ANKRD17: variants seen among roughly 807,000 people sequenced by gnomAD.
ANKRD17 encodes the protein ankyrin repeat domain 17.
A neutral mutation model predicts 229.7 loss-of-function variants in ANKRD17; 19 were observed. The observed-to-expected ratio is 0.08, with a 90% confidence interval of 0.06 to 0.12. The LOEUF is 0.12. Ranked by LOEUF, ANKRD17 falls within the 10% of genes least tolerant of loss-of-function variation. ANKRD17 has a pLI of 1.00. For synonymous variants in ANKRD17, 1,112 were observed against 1,146.1 expected (o/e 0.97, Z 0.60); for missense variants, 2,176 against 3,176.8 (o/e 0.68, Z 7.57).
intron 24 of ANKRD17, among the ~76,000 whole-genome samples, chr4:73,104,370 C>T (rs969845597): frequency 3.3e-5 from 5 of 152,112 alleles, no homozygotes; most frequent in Non-Finnish European, 7.3e-5. Flanking sequence ...GTTTTCTCCA[C>T]GTGGACCCCA....
intron 1 of ANKRD17, chr4:73,222,967 G>GC (rs1742058048): frequency 2.6e-6 from 4 of 1,530,164 alleles, no homozygotes; most frequent in Non-Finnish European, 3.5e-6. Flanking sequence ...TACAAACCTA[G>GC]CCCTACCTCA....
intron 1 of ANKRD17, among the ~76,000 whole-genome samples, chr4:73,185,823 T>G (rs1736221541): frequency 6.6e-6 from 1 of 152,048 alleles, no homozygotes; most frequent in Non-Finnish European, 1.5e-5. Flanking sequence ...AACAACAGTC[T>G]TAATTTTGGT....
At chr4:73,252,955 A>C (rs951156450) in intron 1 of ANKRD17, among the ~76,000 whole-genome samples, 1 of 152,214 alleles carries the variant, frequency 6.6e-6, no homozygotes, top group Non-Finnish European at 1.5e-5. Context: ...ACTGCAAAAA[A>C]GCGTCTCCCC....
intron 1 of ANKRD17, among the ~76,000 whole-genome samples, chr4:73,207,955 G>A (rs1226610451): frequency 6.6e-6 from 1 of 152,038 alleles, no homozygotes; most frequent in East Asian, 1.9e-4. Context: ...TTGGGAGGCC[G>A]AGGCAGGTGG....
chr4:73,121,143 A>G, intron 19 of ANKRD17, 49 bp from the exon 20 acceptor site: 1 of 1,463,914 alleles, frequency 6.8e-7, no homozygotes, highest in Non-Finnish European at 9.6e-7. Context: ...TATATTTTAA[A>G]TGACAGAAAA....
intron 1 of ANKRD17, among the ~76,000 whole-genome samples, chr4:73,203,960 A>T (rs1198185948): frequency 1.3e-5 from 2 of 152,154 alleles, no homozygotes; most frequent in Non-Finnish European, 2.9e-5. Context: ...TGGGGGGGAA[A>T]AAACCATCAT....
intron 2 of ANKRD17, among the ~76,000 whole-genome samples, chr4:73,163,134 G>C (rs930892297): frequency 2.0e-5 from 3 of 151,776 alleles, no homozygotes; most frequent in African/African-American, 7.3e-5. Context: ...CAAAGGGCTA[G>C]GTTTACACGT....
intron 30 of ANKRD17, 129 bp downstream of exon 30, chr4:73,085,120 T>A (rs1721984469): frequency 1.0e-6 from 1 of 1,000,298 alleles, no homozygotes. Flanking sequence ...AGAAATTTTT[T>A]TGAAATTCCA....
chr4:73,143,536 A>G (rs1440642838), intron 11 of ANKRD17, among the ~76,000 whole-genome samples: 1 of 152,234 alleles, frequency 6.6e-6, no homozygotes, highest in African/African-American at 2.4e-5. Context: ...GAGAGGGGAC[A>G]GCGATTATGT....
intron 16 of ANKRD17, among the ~76,000 whole-genome samples, chr4:73,127,516 C>T (rs1013512992): frequency 4.6e-5 from 7 of 152,094 alleles, no homozygotes; most frequent in Non-Finnish European, 8.8e-5. Context: ...CTCACTTTCA[C>T]ATATGTATCT....
At chr4:73,250,238 T>C (rs184711182) in intron 1 of ANKRD17, among the ~76,000 whole-genome samples, 4 of 152,288 alleles carry the variant, frequency 2.6e-5, no homozygotes, top group Non-Finnish European at 5.9e-5. Context: ...CCCAATAATC[T>C]TGTTTCCCAT....
chr4:73,140,256 T>C lies in ANKRD17; in HGVS notation c.2360A>G (p.His787Arg). 2 of 1,601,410 alleles carry C rather than the reference T, an allele frequency of 1.2e-6. No individual in the cohort carries two copies. The highest frequency in any genetic ancestry group is 1.7e-6 in the Non-Finnish European group (2 of 1,176,462). The change falls in exon 15 of 34, where the codon CAT becomes CGT. Residue 787 changes from histidine (H) to arginine (R), a missense_variant. Coordinates refer to ENST00000358602, the MANE Select transcript of ANKRD17 (RefSeq NM_032217.5). ...KAASKQKSSS[H>R]LPANSQDVQG... is the part of the protein sequence containing the mutation. ...TACATCCTGGCTGTTTGCTGGCAAA[T>C]GGCTGCTGGACTTTTGTTTAGAAGC...
chr4:73,090,622 T>G lies in ANKRD17; in HGVS notation c.6961+45A>C, dbSNP rs770087747. 3.1e-6 allele frequency: 5 copies of G among 1,607,922 alleles called. No homozygotes were observed. In the South Asian group the frequency reaches 5.6e-5, roughly 18 times the overall value. On this transcript the variant is annotated intron_variant, in intron 29 of 33. Coordinates refer to ENST00000358602, the MANE Select transcript of ANKRD17 (RefSeq NM_032217.5). Reference sequence around the variant, plus strand: ...AAATGACCAAGAATTTTCACATCACTTGTGCAAATGAACAGCTGCAGAATC... The same window carrying G: ...AAATGACCAAGAATTTTCACATCACGTGTGCAAATGAACAGCTGCAGAATC...
At chr4:73,237,961 C>G (rs1743658873) in intron 1 of ANKRD17, among the ~76,000 whole-genome samples, 1 of 152,020 alleles carries the variant, frequency 6.6e-6, no homozygotes, top group Admixed American at 6.6e-5. Flanking sequence ...TATCTACTAT[C>G]AGCTCCACCT....
rs374048773 is a variant in ANKRD17, at chr4:73,182,158, G to A, written c.394-4625C>T. Among the ~76,000 whole-genome samples the A allele has an allele frequency of 2.1e-5, 3 of 142,176 alleles. No individual in the cohort carries two copies. The East Asian group carries it at 6.3e-4, about 30-fold the overall frequency. The allele number at this position is 142,176 out of a possible 152,430, so 93.3% of individuals were successfully genotyped here. A position where few individuals can be genotyped will look rare whatever the true frequency, so the allele number is the denominator to read the frequency against. On this transcript the variant is annotated intron_variant, in intron 1 of 33. Transcript: ENST00000358602. ...TATATAAATAACTTCCATGAAGAGA[G>A]AAGACAAAGGAAAGAAATGTCCTTA...
At chr4:73,188,400 T>C (rs906344788) in intron 1 of ANKRD17, among the ~76,000 whole-genome samples, 13 of 151,880 alleles carry the variant, frequency 8.6e-5, no homozygotes, top group Admixed American at 5.2e-4. Flanking sequence ...GCCTGGCCAA[T>C]ATGGTGACTC....
intron 7 of ANKRD17, among the ~76,000 whole-genome samples, chr4:73,151,196 C>T (rs1578200260): frequency 6.6e-6 from 1 of 152,066 alleles, no homozygotes; most frequent in Non-Finnish European, 1.5e-5. Flanking sequence ...ATTTCATATC[C>T]TCAACCAATC....
rs1357233285 is a variant in ANKRD17, at chr4:73,154,127, G to A, written c.1001-14C>T. 16 of 1,495,134 alleles carry A rather than the reference G, an allele frequency of 1.1e-5. No homozygotes were observed. The highest frequency in any genetic ancestry group is 7.2e-5 in the East Asian group (3 of 41,882). 92.6% of individuals were successfully genotyped at this position (1,495,134 alleles called of 1,614,324 possible). On this transcript the variant is annotated splice_polypyrimidine_tract_variant and intron_variant, in intron 5 of 33. Transcript: ENST00000358602. ...GTGCTGTATTGCCTATTTTAATTAG[G>A]AAAAATAAAAAGACATTAACATAAA... is the stretch of plus-strand genomic sequence containing the variant.
chr4:73,127,271 G>A (rs1727598640), intron 16 of ANKRD17, among the ~76,000 whole-genome samples: 2 of 152,076 alleles, frequency 1.3e-5, no homozygotes, highest in South Asian at 2.1e-4. Context: ...AGTCTAACAT[G>A]CCCAAGTTTT....
Sources: allele counts gnomAD v4.1 joint callset (sites outside exome capture counted in the v4.1 genomes callset), GRCh38; gene constraint gnomAD v4.1.1; transcripts MANE v1.5; gene names NCBI Gene and HGNC (gene_info 2026-07-23, HGNC 2026-07-21).